HERC3: variants seen among roughly 807,000 people sequenced by gnomAD.
HERC3 encodes the protein HECT and RLD domain containing E3 ubiquitin protein ligase 3.
Under a neutral mutation model 129.9 loss-of-function variants are expected in HERC3, and 58 were observed. That is an observed-to-expected ratio of 0.45 (90% confidence interval 0.36 to 0.56). The LOEUF is 0.56. Among genes scored for constraint, HERC3 ranks in the 20% least tolerant of loss-of-function variants. The pLI is 0.00. For missense variants in HERC3, 835 were observed against 1,244.2 expected, an observed-to-expected ratio of 0.67 and a Z score of 4.95; for synonymous variants, 430 against 451.0, an observed-to-expected ratio of 0.95 and a Z score of 0.59.
chr4:88,608,061 T>A (rs932152043), intron 3 of HERC3, among the ~76,000 whole-genome samples: 3 of 152,244 alleles, frequency 2.0e-5, no homozygotes, highest in Non-Finnish European at 4.4e-5. Flanking sequence ...TTGGCATCAA[T>A]ACGAATTAAA....
Position 88,605,807 on chromosome 4 carries a change from C to T in HERC3, c.-17C>T. The T allele has an allele frequency of 1.3e-6, 2 of 1,598,088 alleles. No homozygotes were observed. The highest frequency in any genetic ancestry group is 1.7e-6 in the Non-Finnish European group (2 of 1,165,674). On this transcript the variant is annotated 5_prime_UTR_variant, in exon 3 of 26. Coordinates refer to ENST00000402738, the MANE Select transcript of HERC3 (RefSeq NM_014606.3). The stretch of plus-strand genomic sequence containing the variant: ...AACTCTCTCCTAGGCTACATGATTC[C>T]CTGAAAGATAAGAACAATGTTATGT...
intron 8 of HERC3, 146 bp from the exon 9 acceptor site, chr4:88,655,729 C>A (rs942836670): frequency 1.4e-6 from 1 of 723,344 alleles, no homozygotes; most frequent in Non-Finnish European, 2.3e-6. Flanking sequence ...GGAGAGCAGC[C>A]GCTGCAAGAA....
chr4:88,686,412 T>C (rs910493052), intron 21 of HERC3, among the ~76,000 whole-genome samples: 2 of 152,198 alleles, frequency 1.3e-5, no homozygotes. Flanking sequence ...CTCATTTATA[T>C]GTATACACAC....
Position 88,624,834 on chromosome 4 carries a change from C to G in HERC3, c.226+18785C>G, listed in dbSNP as rs537685566. 3.9e-5 allele frequency among the ~76,000 whole-genome samples: 6 copies of G among 152,202 alleles called. No individual in the cohort carries two copies. In the South Asian group the frequency reaches 1.0e-3, roughly 26 times the overall value. On this transcript the variant is annotated intron_variant, in intron 3 of 25. Transcript: ENST00000402738. ...TTCTTCTTGAAATTTTATAGTTTAG[C>G]TCTTACATTTAGGCCTATGATCCAT... is the stretch of plus-strand genomic sequence containing the variant.
the HERC3 span, among the ~76,000 whole-genome samples, chr4:88,530,152 G>A: frequency 6.6e-6 from 1 of 152,046 alleles, no homozygotes; most frequent in East Asian, 1.9e-4. Context: ...TTACCTTGGT[G>A]TGGTGGCAGT....
intron 23 of HERC3, among the ~76,000 whole-genome samples, chr4:88,694,212 C>T (rs774865114): frequency 1.3e-5 from 2 of 152,198 alleles, no homozygotes; most frequent in African/African-American, 2.4e-5. Context: ...TTCAGGAACA[C>T]GCAGCATTAG....
chr4:88,588,874 G>A (rs1375662083), upstream of HERC3, among the ~76,000 whole-genome samples: 2 of 152,170 alleles, frequency 1.3e-5, no homozygotes, highest in African/African-American at 2.4e-5. Context: ...CTTGCCACTG[G>A]GCATACCTTG....
At chr4:88,611,810 G>A (rs1416919004) in intron 3 of HERC3, among the ~76,000 whole-genome samples, 1 of 152,216 alleles carries the variant, frequency 6.6e-6, no homozygotes, top group Admixed American at 6.5e-5. Context: ...TCCTAGCAGG[G>A]TGTCCACCAG....
At chr4:88,677,908 T>C in intron 18 of HERC3, 56 bp from the exon 19 acceptor site, 1 of 1,527,666 alleles carries the variant, frequency 6.5e-7, no homozygotes, top group Non-Finnish European at 9.0e-7. Flanking sequence ...AGCTGACTGC[T>C]CTCCCAACTC....
chr4:88,576,083 C>T, the HERC3 span, among the ~76,000 whole-genome samples: 5 of 152,180 alleles, frequency 3.3e-5, no homozygotes, highest in Non-Finnish European at 7.3e-5. Flanking sequence ...GATTTTCCCA[C>T]TCCCAACCCT....
rs939886107 is a variant in HERC3 at position 88,704,204 on chromosome 4, C to T, written c.2764C>T (p.Leu922Phe). The T allele has an allele frequency of 5.6e-6, 9 of 1,614,058 alleles. No homozygotes were observed. In the African/African-American group the frequency reaches 1.2e-4, roughly 22 times the overall value. ...GFLKVCGGKVLELFQPSELRA... is the reference protein window; with the variant it reads ...GFLKVCGGKVFELFQPSELRA... ...CCTAAAGGTGTGTGGTGGCAAAGTA[C>T]TTGAGCTCTTCCAGCCTTCAGAACT... The change falls in exon 24 of 26, where the codon CTT becomes TTT. Residue 922 changes from leucine to phenylalanine, a missense_variant. Transcript: ENST00000402738.
upstream of HERC3, among the ~76,000 whole-genome samples, chr4:88,589,482 G>C (rs1009473889): frequency 2.6e-5 from 4 of 152,186 alleles, no homozygotes; most frequent in Non-Finnish European, 4.4e-5. Flanking sequence ...GTTAATGTTT[G>C]TCTCCCCTTT....
chr4:88,659,572 G>A (rs1329737387), intron 10 of HERC3, among the ~76,000 whole-genome samples: 1 of 152,198 alleles, frequency 6.6e-6, no homozygotes, highest in African/African-American at 2.4e-5. Context: ...TGGAACTGCT[G>A]CCCTAGACTT....
intron 3 of HERC3, among the ~76,000 whole-genome samples, chr4:88,607,290 A>G (rs962598383): frequency 2.0e-5 from 3 of 152,138 alleles, no homozygotes; most frequent in African/African-American, 7.2e-5. Flanking sequence ...AAGGTGCAAT[A>G]CTTGTTCAAG....
chr4:88,655,210 G>T lies in HERC3; in HGVS notation c.814G>T (p.Gly272Trp), dbSNP rs1199544263. ...GTTTACCTTTGGCGCTGGTTCCTGT[G>T]GGCAACTTGGACACGACTCCATGAA... ...GVFTFGAGSCGQLGHDSMNDE... is the reference protein window; with the variant it reads ...GVFTFGAGSCWQLGHDSMNDE... Residue 272 changes from glycine to tryptophan, a missense_variant, in exon 8 of 26, where the codon GGG becomes TGG. Coordinates refer to ENST00000402738, the MANE Select transcript of HERC3 (RefSeq NM_014606.3). 7 of 1,613,762 alleles carry T rather than the reference G, an allele frequency of 4.3e-6. No homozygotes were observed. The highest frequency in any genetic ancestry group is 5.9e-6 in the Non-Finnish European group (7 of 1,179,896).
Position 88,706,804 on chromosome 4 carries a change from G to C in HERC3, c.2997G>C (p.Gln999His). ...RIPIYGMASL[Q>H]IVIQSTASGE... ...CCATCTACGGCATGGCCAGTCTGCA[G>C]ATTGTCATCCAGTCCACAGCCAGCG... is the stretch of plus-strand genomic sequence containing the variant. Residue 999 changes from glutamine to histidine, a missense_variant, in exon 26 of 26, where the codon CAG becomes CAC. Transcript: ENST00000402738. The C allele has an allele frequency of 6.2e-7, 1 of 1,614,186 alleles. No homozygotes were observed. Among genetic ancestry groups the C allele is most frequent in the East Asian group, 2.2e-5 (1 of 44,880 alleles).
At chr4:88,591,377 T>C (rs1299305857), upstream of HERC3, among the ~76,000 whole-genome samples, 2 of 152,206 alleles carry the variant, frequency 1.3e-5, no homozygotes, top group Admixed American at 6.5e-5. Flanking sequence ...ATCCCCAGGA[T>C]ACACCACTCC....
At chr4:88,626,056 C>G (rs1250556174) in intron 3 of HERC3, among the ~76,000 whole-genome samples, 1 of 152,084 alleles carries the variant, frequency 6.6e-6, no homozygotes, top group African/African-American at 2.4e-5. Flanking sequence ...AGGATTTGTG[C>G]ATCTCTGTTT....
chr4:88,635,065 C>T (rs1056848020), intron 3 of HERC3, among the ~76,000 whole-genome samples: 25 of 152,096 alleles, frequency 1.6e-4, no homozygotes, highest in African/African-American at 3.9e-4. Flanking sequence ...ATGAAAAAAA[C>T]GCTGAAAACC....
Sources: allele counts gnomAD v4.1 joint callset (sites outside exome capture counted in the v4.1 genomes callset), GRCh38; gene constraint gnomAD v4.1.1; transcripts MANE v1.5; gene names NCBI Gene and HGNC (gene_info 2026-07-23, HGNC 2026-07-21).